The following FNBP1 variants were observed in gnomAD, a reference collection of about 807,000 sequenced individuals.
FNBP1 encodes formin binding protein 1.
FNBP1 carries 26 observed loss-of-function variants against 90.6 expected under a neutral mutation model. That is an observed-to-expected ratio of 0.29 (90% CI 0.21 to 0.40). The LOEUF (loss-of-function observed/expected upper bound fraction) is 0.40. FNBP1 is among the 10% of genes least tolerant of loss of function. The pLI is 1.00. For missense variants in FNBP1, 635 were observed against 768.0 expected (o/e 0.83, Z 2.05); for synonymous variants, 260 against 265.2 (o/e 0.98, Z 0.19).
At chr9:129,959,080 T>C (rs773194605) in intron 4 of FNBP1, among the ~76,000 whole-genome samples, 62 of 147,898 alleles carry the variant, frequency 4.2e-4, no homozygotes, top group Admixed American at 1.9e-3. Context: ...AAGTTTCACT[T>C]GGGGGGAAAA....
intron 4 of FNBP1, among the ~76,000 whole-genome samples, chr9:129,977,105 G>A (rs1237160518): frequency 6.6e-6 from 1 of 151,238 alleles, no homozygotes; most frequent in East Asian, 1.9e-4. Context: ...GTTTCAGGGA[G>A]TCGAGATCGC....
rs1315221147 is a variant in FNBP1, at chr9:129,900,238, G to A, written c.1551-137C>T. 6 of 1,149,508 alleles carry A rather than the reference G, an allele frequency of 5.2e-6. No individual in the cohort carries two copies. Among genetic ancestry groups the A allele is most frequent in the South Asian group, 1.8e-5 (1 of 55,866 alleles). 71.2% of individuals were successfully genotyped at this position (1,149,508 alleles called of 1,614,324 possible). A position where few individuals can be genotyped will look rare whatever the true frequency, so the allele number is the denominator to read the frequency against. On this transcript the variant is annotated intron_variant, in intron 14 of 16. Coordinates refer to ENST00000446176, the MANE Select transcript of FNBP1 (RefSeq NM_015033.3). The surrounding 1 kb of genome is among the most constrained non-coding windows in gnomAD (Gnocchi z 4.1). ...GTAACTGAGGCCATGGTAAATCATC[G>A]CACGCTCAGATCACCCATCCCATGT...
intron 6 of FNBP1, among the ~76,000 whole-genome samples, chr9:129,934,009 G>A (rs2043106263): frequency 6.6e-6 from 1 of 152,136 alleles, no homozygotes; most frequent in Non-Finnish European, 1.5e-5. Context: ...AACTAGTGTT[G>A]AATCAATTAC....
intron 1 of FNBP1, chr9:130,013,879 T>TGGCAAAAGGCTTAG (rs2056922445): frequency 2.4e-6 from 1 of 424,890 alleles, no homozygotes; most frequent in Non-Finnish European, 4.7e-6. Flanking sequence ...TTGCCCTAAG[T>TGGCAAAAGGCTTAG]GGCAAAAGGC....
chr9:129,893,612 CAAAAAAAAAA>C (rs1216398298), intron 16 of FNBP1, among the ~76,000 whole-genome samples: 10 of 22,306 alleles, frequency 4.5e-4, no homozygotes, highest in Admixed American at 1.4e-3. Flanking sequence ...GACTCTGTCT[CAAAAAAAAAA>C]AAAAAAAAAA....
intron 11 of FNBP1, among the ~76,000 whole-genome samples, chr9:129,909,469 TCA>T (rs1314240399): frequency 6.6e-6 from 1 of 152,062 alleles, no homozygotes; most frequent in Middle Eastern, 3.2e-3. Context: ...GCCAGTCTCT[TCA>T]CACAGGCTGA....
At chr9:129,994,343 A>G (rs1233498840) in intron 2 of FNBP1, among the ~76,000 whole-genome samples, 2 of 152,224 alleles carry the variant, frequency 1.3e-5, no homozygotes. Flanking sequence ...ACACTCATGT[A>G]AAGTTCAAAA....
chr9:130,048,491 C>CTATTTTTT, the FNBP1 span, among the ~76,000 whole-genome samples: 1 of 105,082 alleles, frequency 9.5e-6, no homozygotes, highest in Non-Finnish European at 1.8e-5. Flanking sequence ...CCTCAGTTTC[C>CTATTTTTT]TTTTTTTTTT....
intron 11 of FNBP1, chr9:129,910,122 T>C: frequency 2.2e-6 from 1 of 456,290 alleles, no homozygotes; most frequent in South Asian, 1.5e-5. Flanking sequence ...TGCTTACTTG[T>C]TAGAAAGCTC....
At chr9:130,013,677 A>G (rs1457450170) in intron 1 of FNBP1, 1 of 455,852 alleles carries the variant, frequency 2.2e-6, no homozygotes. Context: ...TGCTAAAAAA[A>G]ATATTGGCAA....
chr9:129,995,863 G>C (rs1485200556), intron 1 of FNBP1, among the ~76,000 whole-genome samples: 1 of 152,200 alleles, frequency 6.6e-6, no homozygotes, highest in Non-Finnish European at 1.5e-5. Flanking sequence ...TGAAGGACGA[G>C]CTTAGGAGTT....
intron 6 of FNBP1, among the ~76,000 whole-genome samples, chr9:129,930,002 C>T (rs1173336319): frequency 6.6e-6 from 1 of 151,942 alleles, no homozygotes; most frequent in African/African-American, 2.4e-5. Context: ...CTTGTGGGAA[C>T]CTCTGCTCAT....
chr9:129,947,665 C>G (rs2045537339), intron 6 of FNBP1, among the ~76,000 whole-genome samples: 1 of 151,110 alleles, frequency 6.6e-6, no homozygotes, highest in South Asian at 2.1e-4. Context: ...TCTTGCTGCC[C>G]AGGCTGGAGT....
chr9:129,991,154 T>C (rs2053088674), intron 2 of FNBP1, among the ~76,000 whole-genome samples: 2 of 151,944 alleles, frequency 1.3e-5, no homozygotes, highest in South Asian at 4.2e-4. Flanking sequence ...CAGCTGGTCT[T>C]GAACTCTTGA....
chr9:129,979,803 C>A (rs112125705), intron 2 of FNBP1, among the ~76,000 whole-genome samples: 1 of 151,954 alleles, frequency 6.6e-6, no homozygotes, highest in Non-Finnish European at 1.5e-5. Context: ...CCACATCTGG[C>A]TAATTTTTTT....
At chr9:129,969,452 C>G (rs1357581849) in intron 4 of FNBP1, among the ~76,000 whole-genome samples, 3 of 152,158 alleles carry the variant, frequency 2.0e-5, no homozygotes, top group Non-Finnish European at 4.4e-5. Context: ...ACACAACTAA[C>G]TAAGTAAATG....
chr9:130,001,329 C>A (rs3055763), intron 1 of FNBP1, among the ~76,000 whole-genome samples: 254 of 1,740 alleles, frequency 0.15, 2 homozygotes, highest in Non-Finnish European at 0.22. Flanking sequence ...CAAAACAAAA[C>A]AAAAAAAAAC....
chr9:130,036,586 CAT>C (rs754808266), intron 1 of FNBP1, among the ~76,000 whole-genome samples: 10 of 152,130 alleles, frequency 6.6e-5, no homozygotes, highest in Non-Finnish European at 1.0e-4. Flanking sequence ...ACAGAAAAGA[CAT>C]GTGCAAAATT....
In FNBP1 at chr9:129,889,305, C is replaced by G. The variant is rs1002667899; in HGVS notation, c.*1234G>C. The G allele has an allele frequency of 9.2e-5, 17 of 184,720 alleles. No individual in the cohort carries two copies. Among genetic ancestry groups the G allele is most frequent in the African/African-American group, 4.0e-4 (17 of 42,560 alleles). 11.4% of individuals were successfully genotyped at this position (184,720 alleles called of 1,614,324 possible). ...CTAACCTCGGCGGGGTGCGGTAGCT[C>G]ACACCTGTAATCTCAGCACTTTGGG... On this transcript the variant is annotated 3_prime_UTR_variant, in exon 17 of 17. Coordinates refer to ENST00000446176, the MANE Select transcript of FNBP1 (RefSeq NM_015033.3).
Sources: allele counts gnomAD v4.1 joint callset (sites outside exome capture counted in the v4.1 genomes callset), GRCh38; gene constraint gnomAD v4.1.1; non-coding constraint Gnocchi (gnomAD v3.1); transcripts MANE v1.5; gene names NCBI Gene and HGNC (gene_info 2026-07-23, HGNC 2026-07-21).